Variants in EIF5 observed in about 807,000 individuals in gnomAD.
EIF5 encodes eukaryotic translation initiation factor 5.
EIF5 carries 10 observed loss-of-function variants against 48.3 expected under a neutral mutation model. That is an observed-to-expected ratio of 0.21 (90% CI 0.13 to 0.35). The LOEUF (loss-of-function observed/expected upper bound fraction) is 0.35, where lower values mean the gene tolerates loss of function less well. EIF5 is among the 10% of genes least tolerant of loss of function. EIF5 has a pLI of 1.00. For synonymous variants in EIF5, 237 were observed against 173.1 expected, an observed-to-expected ratio of 1.37 and a Z score of -2.90; for missense variants, 397 against 533.2, an observed-to-expected ratio of 0.74 and a Z score of 2.51.
At chr14:103,338,033 G>C (rs2089309476) in intron 6 of EIF5, 3 of 569,556 alleles carry the variant, frequency 5.3e-6, no homozygotes, top group South Asian at 4.6e-5. Context: ...AGGGATGACA[G>C]GGATCCTTAG....
chr14:103,340,681 A>G, intron 11 of EIF5, 120 bp downstream of exon 11: 2 of 1,319,466 alleles, frequency 1.5e-6, no homozygotes, highest in Non-Finnish European at 2.1e-6. Context: ...AGAATTTAAG[A>G]TGCAGTAAAA....
intron 4 of EIF5, 25 bp from the exon 5 acceptor site, chr14:103,336,652 C>G (rs1217769658): frequency 6.3e-7 from 1 of 1,586,452 alleles, no homozygotes; most frequent in Non-Finnish European, 8.6e-7. Flanking sequence ...CTGTAACGAT[C>G]CAAACTCCTT....
intron 6 of EIF5, 199 bp from the exon 7 acceptor site, chr14:103,338,128 C>T (rs1396664146): frequency 2.6e-6 from 2 of 775,536 alleles, no homozygotes; most frequent in East Asian, 5.0e-5. Flanking sequence ...TGTGTCACTC[C>T]ATTCTTAGAC....
intron 8 of EIF5, 118 bp downstream of exon 8, chr14:103,339,011 T>C (rs142695713): frequency 7.4e-6 from 11 of 1,487,126 alleles, no homozygotes; most frequent in African/African-American, 1.4e-5. Flanking sequence ...TTTAGAACTC[T>C]TGTTCATTTA....
chr14:103,339,404 C>A (rs1011207321), intron 9 of EIF5, 71 bp downstream of exon 9: 1 of 1,528,110 alleles, frequency 6.5e-7, no homozygotes, highest in Non-Finnish European at 8.8e-7. Context: ...ATATTAACCA[C>A]TTTTGCTTGT....
At chr14:103,339,440 T>C in intron 9 of EIF5, 107 bp downstream of exon 9, 2 of 1,456,098 alleles carry the variant, frequency 1.4e-6, no homozygotes, top group South Asian at 2.7e-5. Context: ...AGTGGGGAAA[T>C]TGACCCACCT....
In EIF5 at chr14:103,342,569, CAA is replaced by C. The variant is rs1431581331; in HGVS notation, c.*1519_*1520del. 6.6e-6 allele frequency: 1 copy of C among 152,250 alleles called. No homozygotes were observed. The allele number at this position is 152,250 out of a possible 1,614,324, so 9.4% of individuals were successfully genotyped here. On this transcript the variant is annotated 3_prime_UTR_variant, in exon 12 of 12. Transcript: ENST00000216554. ...TTCACAGATAATGAGACCTTAATAA[CAA>C]ATAGGCGTAAAAAAATTTTCACATT...
At chr14:103,338,108 C>A (rs1401687111) in intron 6 of EIF5, 7 of 689,390 alleles carry the variant, frequency 1.0e-5, no homozygotes, top group Non-Finnish European at 1.7e-5. Context: ...TTACAATACC[C>A]CTAATATTTT....
rs1458015266 is a variant in EIF5, at chr14:103,344,810, A to G, written c.*3758A>G. On this transcript the variant is annotated 3_prime_UTR_variant, in exon 12 of 12. Coordinates refer to ENST00000216554, the MANE Select transcript of EIF5 (RefSeq NM_001969.5). ...GTTAACATTTTTAAAAATCCAAATG[A>G]AAGTAAATGGAATAAATGTATCAGG... The G allele has an allele frequency of 6.6e-6, 1 of 152,256 alleles. No individual in the cohort carries two copies. The highest frequency in any genetic ancestry group is 1.5e-5 in the Non-Finnish European group (1 of 68,046). 9.4% of individuals were successfully genotyped at this position (152,256 alleles called of 1,614,324 possible).
rs1201882953 is a variant in EIF5, at chr14:103,339,653, C to T, written c.921C>T (p.Asn307=). 4.3e-6 allele frequency: 7 copies of T among 1,614,102 alleles called. No individual in the cohort carries two copies. The highest frequency in any genetic ancestry group is 5.9e-6 in the Non-Finnish European group (7 of 1,180,008). ...RRHFLRFCHN[N]KKAQRYLLHG... is the part of the protein sequence containing the mutation. ...TCTATTTGCAGTTTTGTCACAACAA[C>T]AAAAAAGCCCAACGGTACCTTCTTC... The change falls in exon 10 of 12, where the codon AAC becomes AAT. Residue 307 remains asparagine, a synonymous_variant. Coordinates refer to ENST00000216554, the MANE Select transcript of EIF5 (RefSeq NM_001969.5).
intron 9 of EIF5, 42 bp downstream of exon 9, chr14:103,339,375 T>A (rs1049637116): frequency 1.3e-6 from 2 of 1,560,420 alleles, no homozygotes; most frequent in Non-Finnish European, 1.7e-6. Context: ...ATTACAGTTG[T>A]GTGGCTTTCG....
intron 5 of EIF5, 103 bp downstream of exon 5, chr14:103,336,952 A>G (rs1193051180): frequency 2.8e-6 from 4 of 1,432,640 alleles, no homozygotes; most frequent in East Asian, 4.6e-5. Flanking sequence ...ATTTTAAATC[A>G]AACACAAAAC....
In EIF5 at chr14:103,344,099, C is replaced by T. The variant is rs74515785; in HGVS notation, c.*3047C>T. On this transcript the variant is annotated 3_prime_UTR_variant, in exon 12 of 12. Transcript: ENST00000216554. ...AGGGAGTCACTTTGGTCATCTCTGTCCCCAGTACAGATCTTGATTCATAGT... is the reference window on the plus strand; with the variant it reads ...AGGGAGTCACTTTGGTCATCTCTGTTCCCAGTACAGATCTTGATTCATAGT... The T allele has an allele frequency of 6.6e-6, 1 of 152,152 alleles. No individual in the cohort carries two copies. The allele number at this position is 152,152 out of a possible 1,614,324, so 9.4% of individuals were successfully genotyped here.
At position 103,338,440 on chromosome 14, in the gene EIF5, C is replaced by G. The variant is rs141358932; in HGVS notation, c.553C>G (p.Pro185Ala). ...TGAGACACCACCACCACCACCACCA[C>G]CAAATGAAATTAATCCTCCTCCACA... ...SSETPPPPPP[P>A]NEINPPPHTM... Residue 185 changes from proline to alanine, a missense_variant, in exon 7 of 12, where the codon CCA becomes GCA. By Grantham distance (27) the Pro-to-Ala change is conservative. Coordinates refer to ENST00000216554, the MANE Select transcript of EIF5 (RefSeq NM_001969.5). 1 of 1,586,554 alleles carries G rather than the reference C, an allele frequency of 6.3e-7. No individual in the cohort carries two copies. The highest frequency in any genetic ancestry group is 2.3e-5 in the East Asian group (1 of 42,708).
Position 103,340,547 on chromosome 14 carries a change from G to A in EIF5, c.1192G>A (p.Asp398Asn), listed in dbSNP as rs543577632. The A allele has an allele frequency of 2.5e-6, 4 of 1,612,224 alleles. No homozygotes were observed. Among genetic ancestry groups the A allele is most frequent in the Admixed American group, 1.7e-5 (1 of 60,000 alleles). ...TTCTGGTGGCGAAGAAGAAGATGAAGATGAGAACATTGAGGTAAACATTGG... is the reference window on the plus strand; with the variant it reads ...TTCTGGTGGCGAAGAAGAAGATGAAAATGAGAACATTGAGGTAAACATTGG... ...ESSGGEEEDE[D>N]ENIEVVYSKA... Residue 398 changes from aspartate (D) to asparagine (N), a missense_variant, in exon 11 of 12, where the codon GAT becomes AAT. By Grantham distance (23) the Asp-to-Asn change is conservative. Around this residue, in one of 4 missense-constraint regions of EIF5, gnomAD observed 160 missense variants for 184.8 expected, o/e 0.87. Coordinates refer to ENST00000216554, the MANE Select transcript of EIF5 (RefSeq NM_001969.5).
intron 6 of EIF5, 120 bp downstream of exon 6, chr14:103,337,347 G>A: frequency 7.2e-6 from 6 of 827,980 alleles, no homozygotes; most frequent in Non-Finnish European, 1.1e-5. Flanking sequence ...GCTCATGCTT[G>A]TATTCCCCGC....
chr14:103,335,856 C>A lies in EIF5; in HGVS notation c.-5C>A. The A allele has an allele frequency of 1.2e-6, 2 of 1,614,078 alleles. No homozygotes were observed. The highest frequency in any genetic ancestry group is 1.7e-6 in the Non-Finnish European group (2 of 1,179,996). On this transcript the variant is annotated 5_prime_UTR_variant, in exon 3 of 12. Transcript: ENST00000216554. ...TCTTATTGATAAAGCCACTAATAAG[C>A]CAAAATGTCTGTCAATGTCAACCGC...
chr14:103,336,383 C>A (rs2089286608), intron 4 of EIF5: 1 of 568,572 alleles, frequency 1.8e-6, no homozygotes, highest in East Asian at 3.0e-5. Context: ...GAGTTCTAGA[C>A]CAGCCTAGCC....
At chr14:103,336,248 T>C (rs1376807017) in intron 4 of EIF5, 131 bp downstream of exon 4, 5 of 977,850 alleles carry the variant, frequency 5.1e-6, no homozygotes, top group South Asian at 1.7e-5. Context: ...CGTGGTTTAT[T>C]GGTTGCCATG....
Sources: gnomAD v4.1 joint callset for allele counts on GRCh38, gnomAD v4.1.1 for gene constraint, gnomAD v4.1.1 regional missense constraint, MANE v1.5 for transcripts, NCBI Gene and HGNC (gene_info 2026-07-23, HGNC 2026-07-21) for gene names.